CHAF1A: variants seen among roughly 807,000 people sequenced by gnomAD.
The protein encoded by CHAF1A is chromatin assembly factor 1 subunit A.
In CHAF1A, 5 loss-of-function variants were observed where a neutral mutation model predicts 93.2. The observed-to-expected ratio is 0.05, with a 90% CI of 0.03 to 0.11. The LOEUF is 0.11. Among genes scored for constraint, CHAF1A ranks in the 10% least tolerant of loss-of-function variants. CHAF1A has a pLI of 1.00. For synonymous variants in CHAF1A, 504 were observed against 510.3 expected (o/e 0.99, Z 0.17); for missense variants, 1,102 against 1,259.9 (o/e 0.87, Z 1.90).
chr19:4,433,958 G>A lies in CHAF1A; in HGVS notation c.2673+419G>A, dbSNP rs1209368308. 6.6e-6 allele frequency among the ~76,000 whole-genome samples: 1 copy of A among 152,006 alleles called. No homozygotes were observed. Among genetic ancestry groups the A allele is most frequent in the African/African-American group, 2.4e-5 (1 of 41,386 alleles). The stretch of plus-strand genomic sequence containing the variant: ...GCAGTTTTAGGGTCACAGCAAAATC[G>A]ATTGGAAGGTACAGAAAGTTCCCAT... On this transcript the variant is annotated intron_variant, in intron 13 of 14. Coordinates refer to ENST00000301280, the MANE Select transcript of CHAF1A (RefSeq NM_005483.3). This position sits in a 1 kb window ranked among gnomAD's most constrained non-coding sequence, Gnocchi z 5.6.
chr19:4,428,859 G>A lies in CHAF1A; in HGVS notation c.1573G>A (p.Val525Ile), dbSNP rs200533816. The change falls in exon 8 of 15, where the codon GTT becomes ATT. Residue 525 changes from valine to isoleucine, a missense_variant. Around this residue, in one of 6 missense-constraint regions of CHAF1A, gnomAD observed 165 missense variants for 243.9 expected, o/e 0.68. Transcript: ENST00000301280. ...GCCCCTGAGGTCCGGACCCACGCAC[G>A]TTTCCACCCGGAATGCAGATATTTT... is the stretch of plus-strand genomic sequence containing the variant. ...RQPLRSGPTH[V>I]STRNADIFNS... The A allele has an allele frequency of 1.8e-5, 29 of 1,613,778 alleles. No homozygotes were observed. In the East Asian group the frequency reaches 3.3e-4, roughly 19 times the overall value.
At position 4,433,305 on chromosome 19, in the gene CHAF1A, C is replaced by G. The variant is rs764758650; in HGVS notation, c.2439C>G (p.Asp813Glu). The G allele has an allele frequency of 3.1e-6, 5 of 1,614,190 alleles. No homozygotes were observed. The South Asian group carries it at 5.5e-5, about 18-fold the overall frequency. ...SENSVYEKRP[D>E]FRMCWYVHPQ... ...ACTCAGTGTATGAGAAGCGGCCTGA[C>G]TTCAGGATGTGCTGGTACGTGCACC... The change falls in exon 13 of 15, where the codon GAC becomes GAG. Residue 813 changes from aspartate to glutamate, a missense_variant. Transcript: ENST00000301280. The surrounding 1 kb of genome is among the most constrained non-coding windows in gnomAD (Gnocchi z 5.6).
At chr19:4,432,804 C>G (rs1974210837) in intron 12 of CHAF1A, among the ~76,000 whole-genome samples, 1 of 151,134 alleles carries the variant, frequency 6.6e-6, no homozygotes, top group Non-Finnish European at 1.5e-5. Flanking sequence ...CCATGGCACA[C>G]AAGGAGAGCA....
rs368671667 is a variant in CHAF1A, at chr19:4,429,698, C to A, written c.1774-10C>A. 1.3e-4 allele frequency: 202 copies of A among 1,613,930 alleles called. No homozygotes were observed. The highest frequency in any genetic ancestry group is 1.7e-4 in the Non-Finnish European group (195 of 1,180,006). ...AGACAGTTGTGAGTCCCATGTGTTTCTTTTCTCAGAAGCTCCTGGACTATG... is the reference window on the plus strand; with the variant it reads ...AGACAGTTGTGAGTCCCATGTGTTTATTTTCTCAGAAGCTCCTGGACTATG... On this transcript the variant is annotated splice_polypyrimidine_tract_variant and intron_variant, in intron 9 of 14. Coordinates refer to ENST00000301280, the MANE Select transcript of CHAF1A (RefSeq NM_005483.3).
intron 11 of CHAF1A, among the ~76,000 whole-genome samples, 161 bp from the exon 12 acceptor site, chr19:4,431,791 A>G (rs996643828): frequency 3.3e-5 from 5 of 152,218 alleles, no homozygotes; most frequent in Non-Finnish European, 5.9e-5. Context: ...AGGGGCAGCC[A>G]GCGCATGGTG....
At chr19:4,445,847 G>A, downstream of CHAF1A, 3 of 1,049,862 alleles carry the variant, frequency 2.9e-6, no homozygotes, top group South Asian at 4.9e-5. Flanking sequence ...CCCATTTGAT[G>A]GGGAAACTGA....
chr19:4,407,463 A>G (rs72988731), intron 2 of CHAF1A, among the ~76,000 whole-genome samples: 42 of 112,626 alleles, frequency 3.7e-4, no homozygotes, highest in Non-Finnish European at 5.6e-4. Flanking sequence ...AGGCCAGGAG[A>G]AAAAAAAAAA....
At position 4,402,691 on chromosome 19, in the gene CHAF1A, G is replaced by A. The variant is rs1973603521; in HGVS notation, c.-72G>A. On this transcript the variant is annotated 5_prime_UTR_variant, in exon 1 of 15. Transcript: ENST00000301280. ...GCAGCAGCGGCGCGGGCGGGAGGGC[G>A]AAGAGCAGCGGCCGCCTGAGGGGAG... 2 of 964,196 alleles carry A rather than the reference G, an allele frequency of 2.1e-6. No individual in the cohort carries two copies. The highest frequency in any genetic ancestry group is 1.3e-6 in the Non-Finnish European group (1 of 754,820). The allele number at this position is 964,196 out of a possible 1,614,324, so 59.7% of individuals were successfully genotyped here.
At chr19:4,403,532 G>T (rs1973625864) in intron 1 of CHAF1A, among the ~76,000 whole-genome samples, 1 of 152,270 alleles carries the variant, frequency 6.6e-6, no homozygotes, top group South Asian at 2.1e-4. Context: ...TAACGTGAAC[G>T]AATGAAGGGC....
At chr19:4,406,401 C>T (rs1045755986) in intron 2 of CHAF1A, among the ~76,000 whole-genome samples, 2 of 151,950 alleles carry the variant, frequency 1.3e-5, no homozygotes, top group African/African-American at 4.8e-5. Flanking sequence ...GGAGTGTGTT[C>T]ACCCTTGGGC....
At chr19:4,447,230 C>T, downstream of CHAF1A, 1 of 573,100 alleles carries the variant, frequency 1.7e-6, no homozygotes, top group East Asian at 2.9e-5. Context: ...CTGCCCTTTC[C>T]CCCAGAAGAA....
chr19:4,412,767 G>C (rs1228435843), intron 3 of CHAF1A, among the ~76,000 whole-genome samples: 1 of 152,210 alleles, frequency 6.6e-6, no homozygotes, highest in African/African-American at 2.4e-5. Flanking sequence ...TCGAGGTTTT[G>C]GGATGCACTT....
rs1458755192 is a variant in CHAF1A at position 4,433,131 on chromosome 19, G to T, written c.2265G>T (p.Arg755=). The T allele has an allele frequency of 2.5e-6, 4 of 1,611,836 alleles. No homozygotes were observed. In the South Asian group the frequency reaches 3.3e-5, roughly 13 times the overall value. The part of the protein sequence containing the change: ...GNVNGSKVII[R]EFQEHCRRGL... Reference sequence around the variant, plus strand: ...TGAACGGGAGCAAGGTCATCATCCGGGAGTTCCAGGAGCACTGCCGCCGGG... The same window carrying T: ...TGAACGGGAGCAAGGTCATCATCCGTGAGTTCCAGGAGCACTGCCGCCGGG... Residue 755 remains arginine (R), a synonymous_variant, in exon 13 of 15, where the codon CGG becomes CGT. Transcript: ENST00000301280. This position sits in a 1 kb window ranked among gnomAD's most constrained non-coding sequence, Gnocchi z 5.6.
intron 3 of CHAF1A, among the ~76,000 whole-genome samples, chr19:4,411,890 C>G (rs1359034297): frequency 6.6e-6 from 1 of 152,058 alleles, no homozygotes; most frequent in South Asian, 2.1e-4. Flanking sequence ...CTCAGGTGAT[C>G]CGCTTGCCTC....
chr19:4,414,564 A>T (rs886404337), intron 3 of CHAF1A, among the ~76,000 whole-genome samples: 2 of 152,120 alleles, frequency 1.3e-5, no homozygotes, highest in Admixed American at 1.3e-4. Flanking sequence ...CTTGTGTATG[A>T]CATATACTGT....
At chr19:4,440,963 A>C (rs1974376162) in intron 13 of CHAF1A, among the ~76,000 whole-genome samples, 1 of 151,220 alleles carries the variant, frequency 6.6e-6, no homozygotes, top group South Asian at 2.1e-4. Flanking sequence ...TACTAAAAAT[A>C]CAAAAGATTA....
intron 12 of CHAF1A, among the ~76,000 whole-genome samples, chr19:4,432,652 C>A (rs1235059308): frequency 1.3e-5 from 2 of 151,534 alleles, no homozygotes; most frequent in African/African-American, 4.9e-5. Context: ...CCCAGCTACT[C>A]AAGAGGCTGA....
chr19:4,445,656 G>A (rs201865786), downstream of CHAF1A: 334 of 1,597,548 alleles, frequency 2.1e-4, no homozygotes, highest in African/African-American at 1.8e-3. Context: ...CTCTGAGACC[G>A]AGAGTCGGCC....
downstream of CHAF1A, chr19:4,446,709 C>T (rs1417655039): frequency 6.2e-7 from 1 of 1,609,002 alleles, no homozygotes; most frequent in East Asian, 2.2e-5. Flanking sequence ...CGTAGAACTC[C>T]TCGGGGTCCT....
Sources: gnomAD v4.1 joint callset for allele counts (sites outside exome capture counted in the v4.1 genomes callset) on GRCh38, gnomAD v4.1.1 for gene constraint, gnomAD v4.1.1 regional missense constraint, Gnocchi (gnomAD v3.1) non-coding constraint, MANE v1.5 for transcripts, NCBI Gene and HGNC (gene_info 2026-07-23, HGNC 2026-07-21) for gene names.